FGF14: variants seen among roughly 807,000 people sequenced by gnomAD.
FGF14 encodes fibroblast growth factor 14, also known as fibroblast growth factor homologous factor 4.
In FGF14, 5 loss-of-function variants were observed where a neutral mutation model predicts 25.5. The observed-to-expected ratio is 0.20, with a 90% CI of 0.10 to 0.41. FGF14 has a LOEUF of 0.41. Among genes scored for constraint, FGF14 ranks in the 10% least tolerant of loss-of-function variants. FGF14 has a pLI of 1.00. For synonymous variants in FGF14, 138 were observed against 118.3 expected, an observed-to-expected ratio of 1.17 and a Z score of -1.08; for missense variants, 222 against 320.1, an observed-to-expected ratio of 0.69 and a Z score of 2.34.
intron 1 of FGF14, among the ~76,000 whole-genome samples, chr13:102,158,490 A>T (rs2047457001): frequency 6.8e-6 from 1 of 146,164 alleles, no homozygotes; most frequent in African/African-American, 2.5e-5. Context: ...TGGACACAGG[A>T]AGGGGAACAT....
At chr13:102,007,332 G>A (rs1367712536) in intron 1 of FGF14, among the ~76,000 whole-genome samples, 1 of 152,186 alleles carries the variant, frequency 6.6e-6, no homozygotes, top group Non-Finnish European at 1.5e-5. Context: ...TATAGTGTAT[G>A]TGTTCAAGTA....
chr13:102,083,723 A>C (rs1325050436), intron 1 of FGF14, among the ~76,000 whole-genome samples: 5 of 152,238 alleles, frequency 3.3e-5, no homozygotes, highest in Non-Finnish European at 7.3e-5. Flanking sequence ...GAATGTATAA[A>C]ACTAAACTGT....
chr13:102,041,583 TAAA>T (rs11430268), intron 1 of FGF14, among the ~76,000 whole-genome samples: 23 of 141,966 alleles, frequency 1.6e-4, no homozygotes, highest in East Asian at 2.0e-4. Context: ...TGTTTCCATG[TAAA>T]AAAAAAAAAA....
At chr13:102,112,511 C>T (rs1469352232) in intron 1 of FGF14, among the ~76,000 whole-genome samples, 1 of 152,138 alleles carries the variant, frequency 6.6e-6, no homozygotes, top group African/African-American at 2.4e-5. Flanking sequence ...TATATTTACT[C>T]TCTTTCAAAA....
chr13:102,054,671 T>G (rs1468243753), intron 1 of FGF14, among the ~76,000 whole-genome samples: 2 of 152,162 alleles, frequency 1.3e-5, no homozygotes, highest in African/African-American at 4.8e-5. Context: ...CCTTCAACTT[T>G]CTACTATACA....
At chr13:102,047,302 G>A (rs891644608) in intron 1 of FGF14, among the ~76,000 whole-genome samples, 2 of 152,004 alleles carry the variant, frequency 1.3e-5, no homozygotes, top group Admixed American at 6.6e-5. Context: ...TGGCAGCTTC[G>A]AAATTTTGGT....
intron 3 of FGF14, among the ~76,000 whole-genome samples, chr13:101,752,298 T>C (rs996167494): frequency 3.3e-5 from 5 of 152,222 alleles, no homozygotes; most frequent in African/African-American, 1.2e-4. Flanking sequence ...TTATATCATC[T>C]TTATCTTTTC....
At chr13:102,324,196 C>T (rs1026275936) in intron 1 of FGF14, among the ~76,000 whole-genome samples, 8 of 151,996 alleles carry the variant, frequency 5.3e-5, no homozygotes, top group South Asian at 2.1e-4. Context: ...TGGAAAGAAG[C>T]GGCTGTGGGC....
intron 3 of FGF14, among the ~76,000 whole-genome samples, chr13:101,764,987 G>A (rs1280487408): frequency 6.6e-6 from 1 of 152,106 alleles, no homozygotes; most frequent in African/African-American, 2.4e-5. Flanking sequence ...GTCTCTATGT[G>A]TTTGTCATAA....
chr13:102,036,722 GAACAAC>G (rs1013778402), intron 1 of FGF14, among the ~76,000 whole-genome samples: 2 of 151,898 alleles, frequency 1.3e-5, no homozygotes, highest in Non-Finnish European at 2.9e-5. Flanking sequence ...AGAAAAAGAA[GAACAAC>G]AACAACAACA....
Position 101,726,799 on chromosome 13 carries a change from G to C in FGF14, c.420C>G (p.Thr140=). 6.2e-7 allele frequency: 1 copy of C among 1,608,840 alleles called. No individual in the cohort carries two copies. The highest frequency in any genetic ancestry group is 1.1e-5 in the South Asian group (1 of 90,968). Residue 140 remains threonine (T), a synonymous_variant, in exon 4 of 5, where the codon ACC becomes ACG. Transcript: ENST00000376143. ...CAGATTCTTTAAACTTGCATTCAGG[G>C]GTAAAAAGTTCCTGTGGAGAGAAAA... ...EGYLYPSELF[T]PECKFKESVF...
At chr13:102,100,620 G>A (rs2044616403) in intron 1 of FGF14, among the ~76,000 whole-genome samples, 1 of 152,222 alleles carries the variant, frequency 6.6e-6, no homozygotes. Context: ...GACTGGGCAA[G>A]ACACAAGTTG....
intron 3 of FGF14, among the ~76,000 whole-genome samples, chr13:101,858,466 A>G (rs1479621289): frequency 1.3e-5 from 2 of 151,988 alleles, no homozygotes; most frequent in African/African-American, 4.8e-5. Context: ...TAACATGGAG[A>G]GTGAAAACAA....
chr13:102,086,015 C>G (rs1466877200), intron 1 of FGF14, among the ~76,000 whole-genome samples: 1 of 152,040 alleles, frequency 6.6e-6, no homozygotes, highest in Non-Finnish European at 1.5e-5. Flanking sequence ...GTTTACTATC[C>G]AAGGTCCATA....
chr13:102,188,738 G>A (rs149730346), intron 1 of FGF14, among the ~76,000 whole-genome samples: 41 of 151,936 alleles, frequency 2.7e-4, no homozygotes, highest in African/African-American at 8.9e-4. Context: ...CCAGAAGTTC[G>A]AGACCAGCCT....
chr13:102,213,119 C>T (rs768846425), intron 1 of FGF14, among the ~76,000 whole-genome samples: 23 of 152,182 alleles, frequency 1.5e-4, no homozygotes, highest in African/African-American at 4.3e-4. Context: ...AGGAGATTCA[C>T]GCCTGCAGCC....
chr13:101,916,380 A>T, intron 1 of FGF14, 73 bp downstream of exon 1: 8 of 1,561,936 alleles, frequency 5.1e-6, no homozygotes, highest in Admixed American at 1.7e-5. Context: ...GGAGGGAAGG[A>T]GCCTGGAGAA....
chr13:102,399,564 T>C (rs1234786522), intron 1 of FGF14, among the ~76,000 whole-genome samples: 1 of 152,182 alleles, frequency 6.6e-6, no homozygotes, highest in Non-Finnish European at 1.5e-5. Context: ...GTTGGTTTTG[T>C]ATGAACCAAG....
rs768469422 is a variant in FGF14, at chr13:101,868,789, G to A, written c.344C>T (p.Ala115Val). ...CAACCCTGTTTTCACTCCCTGGATG[G>A]CAACAACACGTAGTCCCACTGGTAT... Reference protein sequence around the residue: ...NLIPVGLRVVAIQGVKTGLYI... With the variant: ...NLIPVGLRVVVIQGVKTGLYI... The change falls in exon 3 of 5, where the codon GCC (alanine) becomes GTC (valine). Residue 115 changes from alanine to valine, a missense_variant. By Grantham distance (64) the Ala-to-Val change is moderately conservative. Coordinates refer to ENST00000376143, the MANE Select transcript of FGF14 (RefSeq NM_004115.4). 6.2e-7 allele frequency: 1 copy of A among 1,613,612 alleles called. No individual in the cohort carries two copies. Among genetic ancestry groups the A allele is most frequent in the Non-Finnish European group, 8.5e-7 (1 of 1,179,608 alleles).
Sources: allele counts gnomAD v4.1 joint callset (sites outside exome capture counted in the v4.1 genomes callset), GRCh38; gene constraint gnomAD v4.1.1; transcripts MANE v1.5; gene names NCBI Gene and HGNC (gene_info 2026-07-23, HGNC 2026-07-21).